HUWE1: variants seen among roughly 807,000 people sequenced by gnomAD.
HUWE1 encodes the protein E3 ubiquitin-protein ligase HUWE1.
In HUWE1, 18 loss-of-function variants were observed where a neutral mutation model predicts 299.4. The observed-to-expected ratio is 0.06, with a 90% CI of 0.04 to 0.09. The LOEUF is 0.09. Among genes scored for constraint, HUWE1 ranks in the 10% least tolerant of loss-of-function variants. The pLI is 1.00. For missense variants in HUWE1, 1,832 were observed against 3,462.3 expected (o/e 0.53, Z 11.82); for synonymous variants, 1,317 against 1,286.1 (o/e 1.02, Z -0.51).
intron 6 of HUWE1, among the ~76,000 whole-genome samples, chrX:53,646,011 T>C (rs1317885408): frequency 1.8e-5 from 2 of 110,109 alleles, no homozygotes; most frequent in Non-Finnish European, 3.8e-5. Context: ...CTGTATCCTT[T>C]ATGACAAACA....
chrX:53,539,186 A>G (rs2146965559), intron 75 of HUWE1, 106 bp from the exon 76 acceptor site: 2 of 903,233 alleles, frequency 2.2e-6, no homozygotes, highest in South Asian at 4.3e-5. Flanking sequence ...GGAAGAAGAA[A>G]TAGTGAAAAC....
In HUWE1 at chrX:53,532,834, A is replaced by T. The variant is rs1337042407; in HGVS notation, c.*475T>A. On this transcript the variant is annotated 3_prime_UTR_variant, in exon 84 of 84. Transcript: ENST00000262854. ...TTTATTTGAAACCTCCACAACACAG[A>T]CGCCAATCTTGTCTCGCATTGAATC... 1 of 110,602 alleles carries T rather than the reference A, an allele frequency of 9.0e-6. No individual in the cohort carries two copies. The highest frequency in any genetic ancestry group is 1.9e-5 in the Non-Finnish European group (1 of 52,868). The allele number at this position is 110,602 out of a possible 1,213,427, so 9.1% of individuals were successfully genotyped here. A position where few individuals can be genotyped will look rare whatever the true frequency, so the allele number is the denominator to read the frequency against.
rs1602508449 is a variant in HUWE1 at position 53,538,917 on chromosome X, G to A, written c.11796C>T (p.Asp3932=). 3.3e-6 allele frequency: 4 copies of A among 1,204,703 alleles called. No individual in the cohort carries two copies. The highest frequency in any genetic ancestry group is 4.4e-5 in the Admixed American group (2 of 45,304). ...PLTPATPSSL[D]PFFSREPSSM... The stretch of plus-strand genomic sequence containing the variant: ...ATGAGGGCTCCCGGGAGAAGAATGG[G>A]TCAAGGGAGGAAGGCGTGGCTGGGG... Residue 3932 remains aspartate (D), a synonymous_variant, in exon 76 of 84, where the codon GAC becomes GAT. Coordinates refer to ENST00000262854, the MANE Select transcript of HUWE1 (RefSeq NM_031407.7).
chrX:53,667,391 C>T (rs1557047977), intron 3 of HUWE1, among the ~76,000 whole-genome samples: 3 of 112,090 alleles, frequency 2.7e-5, no homozygotes, highest in South Asian at 3.7e-4. Context: ...CAAAAATGCA[C>T]TTACTGTACC....
chrX:53,617,262 A>G (rs1371601067), intron 20 of HUWE1, 78 bp downstream of exon 20: 2 of 961,870 alleles, frequency 2.1e-6, no homozygotes, highest in Non-Finnish European at 2.9e-6. Flanking sequence ...GGTCCCAATT[A>G]GATTCAACAC....
At chrX:53,660,121 GGCTAGA>G (rs1234609667) in intron 3 of HUWE1, among the ~76,000 whole-genome samples, 1 of 111,733 alleles carries the variant, frequency 8.9e-6, no homozygotes, top group East Asian at 2.8e-4. Flanking sequence ...ACTGACAGAA[GGCTAGA>G]GCTCCACGTG....
chrX:53,576,499 C>T (rs1033951168), intron 44 of HUWE1, among the ~76,000 whole-genome samples: 24 of 111,980 alleles, frequency 2.1e-4, no homozygotes, highest in African/African-American at 7.8e-4. Flanking sequence ...ACATTAGAGA[C>T]TTCCTGGTGT....
At chrX:53,663,460 C>A (rs1287012245) in intron 3 of HUWE1, among the ~76,000 whole-genome samples, 1 of 110,459 alleles carries the variant, frequency 9.1e-6, no homozygotes, top group African/African-American at 3.3e-5. Context: ...TTGCAGTGAG[C>A]CGAGATTGCA....
chrX:53,650,018 T>C (rs2068346036), intron 4 of HUWE1, among the ~76,000 whole-genome samples: 1 of 111,853 alleles, frequency 8.9e-6, no homozygotes, highest in Non-Finnish European at 1.9e-5. Context: ...AAGCACAACA[T>C]GGCATCTTTA....
At chrX:53,618,786 C>T (rs782273933) in intron 19 of HUWE1, among the ~76,000 whole-genome samples, 1 of 109,271 alleles carries the variant, frequency 9.2e-6, no homozygotes, top group Non-Finnish European at 1.9e-5. Flanking sequence ...TGGTCTCGAA[C>T]TCCTAACCTC....
intron 33 of HUWE1, among the ~76,000 whole-genome samples, chrX:53,591,590 T>C (rs1366796178): frequency 9.0e-6 from 1 of 111,356 alleles, no homozygotes; most frequent in South Asian, 3.7e-4. Context: ...AACATCAAAC[T>C]GTAAGAAAAT....
chrX:53,637,877 T>A (rs2149144533), intron 7 of HUWE1, among the ~76,000 whole-genome samples: 1 of 111,764 alleles, frequency 8.9e-6, no homozygotes, highest in East Asian at 2.8e-4. Flanking sequence ...GAAGACAAGT[T>A]TGTTTCGCTG....
At chrX:53,534,346 C>T (rs894249083) in intron 82 of HUWE1, 149 bp from the exon 83 acceptor site, 79 of 684,837 alleles carry the variant, frequency 1.2e-4, no homozygotes, top group South Asian at 3.1e-4. Flanking sequence ...ATTCATAAGA[C>T]GGCCAAGAGA....
intron 7 of HUWE1, among the ~76,000 whole-genome samples, chrX:53,637,701 G>T (rs1557027464): frequency 8.9e-6 from 1 of 112,330 alleles, no homozygotes; most frequent in Non-Finnish European, 1.9e-5. Context: ...AGTCTGTGCT[G>T]TTGTTATATT....
intron 29 of HUWE1, 34 bp from the exon 30 acceptor site, chrX:53,595,437 T>G: frequency 3.8e-6 from 4 of 1,048,334 alleles, no homozygotes; most frequent in Non-Finnish European, 5.3e-6. Context: ...GACTGTACAG[T>G]ATTCTCAGAA....
intron 49 of HUWE1, among the ~76,000 whole-genome samples, chrX:53,566,086 T>A (rs781895148): frequency 3.6e-4 from 35 of 96,830 alleles, no homozygotes; most frequent in Non-Finnish European, 6.3e-4. Context: ...TATTTATGTG[T>A]GAGTCTATGT....
intron 2 of HUWE1, among the ~76,000 whole-genome samples, chrX:53,681,431 A>T (rs1400936559): frequency 4.8e-4 from 46 of 95,943 alleles, no homozygotes; most frequent in Non-Finnish European, 6.2e-5. Context: ...ACTCCATCTT[A>T]AAAAAAAAAA....
intron 81 of HUWE1, 40 bp from the exon 82 acceptor site, chrX:53,534,737 A>C: frequency 4.3e-6 from 5 of 1,152,309 alleles, no homozygotes; most frequent in Non-Finnish European, 5.9e-6. Flanking sequence ...TTCTAAACTC[A>C]CACAACCGTA....
chrX:53,546,040 ACT>A, intron 70 of HUWE1, among the ~76,000 whole-genome samples: 1 of 111,701 alleles, frequency 9.0e-6, no homozygotes, highest in East Asian at 2.8e-4. Flanking sequence ...TACTATTCTG[ACT>A]CTGTAATTCC....
Sources: gnomAD v4.1 joint callset for allele counts (sites outside exome capture counted in the v4.1 genomes callset) on GRCh38, gnomAD v4.1.1 for gene constraint, MANE v1.5 for transcripts, NCBI Gene and HGNC (gene_info 2026-07-23, HGNC 2026-07-21) for gene names.